Variants in CDH12 observed in about 807,000 individuals in gnomAD.
CDH12 encodes the protein cadherin-12.
Under a neutral mutation model 74.1 loss-of-function variants are expected in CDH12, and 41 were observed. The ratio of observed to expected loss-of-function variants is 0.55; its 90% confidence interval spans 0.43 to 0.72. The LOEUF (loss-of-function observed/expected upper bound fraction) is 0.72, where lower values mean the gene tolerates loss of function less well. CDH12 is among the 30% of genes least tolerant of loss of function. The pLI, the probability that CDH12 is intolerant of heterozygous loss-of-function variation, is 0.00. For synonymous variants in CDH12, 399 were observed against 355.0 expected (o/e 1.12, Z -1.39); for missense variants, 945 against 977.2 (o/e 0.97, Z 0.44).
chr5:22,714,965 C>A (rs189854356), intron 1 of CDH12, among the ~76,000 whole-genome samples: 1 of 152,246 alleles, frequency 6.6e-6, no homozygotes, highest in East Asian at 1.9e-4. Context: ...GGCTGGAATA[C>A]TGGTGCATCT....
At chr5:22,500,297 G>T (rs1441408879) in intron 2 of CDH12, among the ~76,000 whole-genome samples, 2 of 152,074 alleles carry the variant, frequency 1.3e-5, no homozygotes, top group Non-Finnish European at 2.9e-5. Context: ...AATGTTATAG[G>T]AGAGAGCCAG....
chr5:21,885,540 G>A (rs1473624006), intron 6 of CDH12, among the ~76,000 whole-genome samples: 1 of 152,116 alleles, frequency 6.6e-6, no homozygotes, highest in African/African-American at 2.4e-5. Flanking sequence ...TTTGTAGATA[G>A]CAAATCTGAG....
intron 1 of CDH12, among the ~76,000 whole-genome samples, chr5:22,845,568 G>A (rs960307695): frequency 2.0e-5 from 3 of 152,166 alleles, no homozygotes; most frequent in Non-Finnish European, 2.9e-5. Context: ...ATGATATGAA[G>A]TAGGTCCTAT....
chr5:21,987,372 C>T (rs1318443007), intron 5 of CDH12, among the ~76,000 whole-genome samples: 1 of 152,096 alleles, frequency 6.6e-6, no homozygotes, highest in African/African-American at 2.4e-5. Context: ...TTCTTATTTG[C>T]AGTATAGACA....
intron 3 of CDH12, among the ~76,000 whole-genome samples, chr5:22,231,480 T>C (rs868018879): frequency 6.6e-6 from 1 of 152,018 alleles, no homozygotes; most frequent in South Asian, 2.1e-4. Flanking sequence ...ATGAAAAAGA[T>C]ATATGGTACC....
chr5:22,361,398 A>T (rs1430866687), intron 3 of CDH12, among the ~76,000 whole-genome samples: 1 of 152,174 alleles, frequency 6.6e-6, no homozygotes, highest in Admixed American at 6.5e-5. Context: ...CTTCAAGGAG[A>T]ACTACAAATC....
chr5:21,869,468 AT>A (rs1751503642), intron 6 of CDH12, among the ~76,000 whole-genome samples: 1 of 152,004 alleles, frequency 6.6e-6, no homozygotes, highest in Admixed American at 6.6e-5. Context: ...TATCATAAGT[AT>A]TTTTTCTATA....
chr5:22,181,103 CAAG>C (rs1749621253), intron 4 of CDH12, among the ~76,000 whole-genome samples: 1 of 152,092 alleles, frequency 6.6e-6, no homozygotes, highest in East Asian at 1.9e-4. Context: ...GCAAAATTAT[CAAG>C]AAGCGTTGTA....
At chr5:21,921,624 G>A (rs1206502677) in intron 6 of CDH12, among the ~76,000 whole-genome samples, 1 of 152,142 alleles carries the variant, frequency 6.6e-6, no homozygotes, top group Non-Finnish European at 1.5e-5. Context: ...TCAGTCCAAT[G>A]ATCAGATGAA....
chr5:22,254,157 T>A (rs1030058179), intron 3 of CDH12, among the ~76,000 whole-genome samples: 1 of 151,822 alleles, frequency 6.6e-6, no homozygotes, highest in African/African-American at 2.4e-5. Context: ...TGCTGAAACT[T>A]TTAGGTATAT....
intron 1 of CDH12, among the ~76,000 whole-genome samples, chr5:22,632,356 T>C (rs1738627567): frequency 6.6e-6 from 1 of 152,024 alleles, no homozygotes. Context: ...ATACATTAAA[T>C]AAATACAAAT....
chr5:22,196,285 C>T (rs1750615175), intron 4 of CDH12, among the ~76,000 whole-genome samples: 1 of 148,920 alleles, frequency 6.7e-6, no homozygotes, highest in African/African-American at 2.6e-5. Context: ...GCTGGGAATA[C>T]AGGCACGCAC....
In CDH12 at chr5:22,095,556, C is replaced by T. The variant is rs191878732; in HGVS notation, c.-186-16694G>A. Among the ~76,000 whole-genome samples, 12 of 152,150 alleles carry T rather than the reference C, an allele frequency of 7.9e-5. No homozygotes were observed. In the East Asian group the frequency reaches 2.1e-3, roughly 27 times the overall value. On this transcript the variant is annotated intron_variant, in intron 4 of 14. Transcript: ENST00000382254. Reference sequence around the variant, plus strand: ...GGAGGCAAGAACACTCCAACTCCTTCTCTCCATGTCTCTACCCCTTCTCTG... The same window carrying T: ...GGAGGCAAGAACACTCCAACTCCTTTTCTCCATGTCTCTACCCCTTCTCTG...
chr5:22,184,304 T>G (rs1749811717), intron 4 of CDH12, among the ~76,000 whole-genome samples: 1 of 152,186 alleles, frequency 6.6e-6, no homozygotes, highest in African/African-American at 2.4e-5. Flanking sequence ...AAATTGACCC[T>G]TGGTTTTTGA....
intron 5 of CDH12, among the ~76,000 whole-genome samples, chr5:22,011,444 TA>T (rs1161015227): frequency 6.6e-6 from 1 of 152,220 alleles, no homozygotes; most frequent in Admixed American, 6.5e-5. Flanking sequence ...ATTATGCAGC[TA>T]AAAGGAATAG....
At chr5:22,772,911 C>CA (rs1181317896) in intron 1 of CDH12, among the ~76,000 whole-genome samples, 2 of 151,620 alleles carry the variant, frequency 1.3e-5, no homozygotes, top group Non-Finnish European at 2.9e-5. Context: ...ACAATAGCTA[C>CA]AAAAAAATTA....
intron 3 of CDH12, among the ~76,000 whole-genome samples, chr5:22,243,433 G>T (rs1752817675): frequency 6.6e-6 from 1 of 151,846 alleles, no homozygotes; most frequent in East Asian, 1.9e-4. Context: ...GCATGTGAAA[G>T]AGAAATCAAA....
intron 1 of CDH12, among the ~76,000 whole-genome samples, chr5:22,741,072 A>G (rs930768035): frequency 6.6e-6 from 1 of 152,188 alleles, no homozygotes; most frequent in African/African-American, 2.4e-5. Context: ...ACTGATATCT[A>G]GTGTAACTCA....
intron 1 of CDH12, among the ~76,000 whole-genome samples, chr5:22,679,955 G>A (rs1741407206): frequency 6.6e-6 from 1 of 152,106 alleles, no homozygotes; most frequent in Admixed American, 6.6e-5. Context: ...CACGTTCTGA[G>A]CATTCATTGC....
Sources: gnomAD v4.1 joint callset for allele counts (sites outside exome capture counted in the v4.1 genomes callset) on GRCh38, gnomAD v4.1.1 for gene constraint, MANE v1.5 for transcripts, NCBI Gene and HGNC (gene_info 2026-07-23, HGNC 2026-07-21) for gene names.